The following GABRR2 variants were observed in gnomAD, a reference collection of about 807,000 sequenced individuals.
GABRR2 encodes the protein gamma-aminobutyric acid receptor subunit rho-2.
GABRR2 carries 36 observed loss-of-function variants against 47.0 expected under a neutral mutation model. The ratio of observed to expected loss-of-function variants is 0.77; its 90% CI spans 0.59 to 1.01. GABRR2 has a LOEUF of 1.01. Ranked by LOEUF, GABRR2 falls within the 50% of genes least tolerant of loss-of-function variation. The pLI, the probability that GABRR2 is intolerant of heterozygous loss-of-function variation, is 0.00. For synonymous variants in GABRR2, 204 were observed against 227.5 expected, an observed-to-expected ratio of 0.90 and a Z score of 0.93; for missense variants, 587 against 594.6, an observed-to-expected ratio of 0.99 and a Z score of 0.13.
intron 2 of GABRR2, among the ~76,000 whole-genome samples, chr6:89,285,435 C>T (rs188781623): frequency 6.6e-5 from 10 of 152,124 alleles, no homozygotes; most frequent in Non-Finnish European, 1.3e-4. Context: ...TGGTGAGGGC[C>T]GGCTCCTAAA....
intron 2 of GABRR2, among the ~76,000 whole-genome samples, chr6:89,285,784 C>T (rs1253607657): frequency 6.6e-6 from 1 of 152,192 alleles, no homozygotes; most frequent in African/African-American, 2.4e-5. Context: ...ACCATCCCAT[C>T]TGGACCAGCT....
chr6:89,259,895 T>G (rs1219390147), intron 8 of GABRR2, among the ~76,000 whole-genome samples: 2 of 148,662 alleles, frequency 1.3e-5, no homozygotes, highest in East Asian at 1.9e-4. Context: ...TTTTTTTTTT[T>G]TTTGTTTTTT....
intron 2 of GABRR2, among the ~76,000 whole-genome samples, chr6:89,278,590 T>G (rs76299352): frequency 6.6e-6 from 1 of 152,204 alleles, no homozygotes; most frequent in Non-Finnish European, 1.5e-5. Context: ...AACTCTACCT[T>G]TCTTCTAGGG....
At chr6:89,302,948 A>C in intron 1 of GABRR2, 1 of 1,219,160 alleles carries the variant, frequency 8.2e-7, no homozygotes, top group Non-Finnish European at 1.1e-6. Flanking sequence ...GCCTTCCTAC[A>C]CTGGTACATG....
rs1562379423 is a variant in GABRR2 at position 89,292,745 on chromosome 6, C to CA, written c.220+7013_220+7014insT. Among the ~76,000 whole-genome samples the CA allele has an allele frequency of 8.0e-4, 77 of 96,510 alleles. 21 individuals are homozygous for CA. In the East Asian group the frequency reaches 9.3e-3, roughly 12 times the overall value. 63.3% of individuals were successfully genotyped at this position (96,510 alleles called of 152,430 possible). On this transcript the variant is annotated intron_variant, in intron 2 of 8. Coordinates refer to ENST00000402938, the MANE Select transcript of GABRR2 (RefSeq NM_002043.5). ...ATATATCGTATATATCATATATAAT[C>CA]GTATATATCGTATATACGATATATC...
intron 2 of GABRR2, among the ~76,000 whole-genome samples, chr6:89,299,265 A>G (rs1483497013): frequency 6.6e-6 from 1 of 152,174 alleles, no homozygotes. Context: ...CTCCATCAAA[A>G]CAGCAAACTC....
chr6:89,267,148 T>C lies in GABRR2; in HGVS notation c.736+531A>G, dbSNP rs1562354779. 2.0e-5 allele frequency among the ~76,000 whole-genome samples: 3 copies of C among 152,210 alleles called. No homozygotes were observed. In the East Asian group the frequency reaches 5.8e-4, roughly 29 times the overall value. On this transcript the variant is annotated intron_variant, in intron 6 of 8. Transcript: ENST00000402938. ...CCGAGTAGCTGGGATTACAGGTGCA[T>C]ACCACCATGCTTGGCTAATTTTTAT... is the stretch of plus-strand genomic sequence containing the variant.
intron 1 of GABRR2, among the ~76,000 whole-genome samples, chr6:89,309,976 G>C (rs897666361): frequency 3.4e-5 from 5 of 148,806 alleles, no homozygotes; most frequent in Non-Finnish European, 7.4e-5. Context: ...TAGAGACAGG[G>C]TCTCACTATG....
intron 1 of GABRR2, chr6:89,301,881 C>T (rs1056836602): frequency 8.7e-6 from 10 of 1,146,358 alleles, no homozygotes; most frequent in Non-Finnish European, 1.2e-5. Context: ...TAGACCCCAG[C>T]GGCAACTACG....
chr6:89,292,896 C>CTA (rs769739709), intron 2 of GABRR2, among the ~76,000 whole-genome samples: 42 of 142,462 alleles, frequency 2.9e-4, no homozygotes, highest in South Asian at 1.3e-3. Flanking sequence ...GAGAAATGAG[C>CTA]TATATATATA....
chr6:89,280,695 A>G (rs1167286007), intron 2 of GABRR2, among the ~76,000 whole-genome samples: 1 of 152,244 alleles, frequency 6.6e-6, no homozygotes, highest in African/African-American at 2.4e-5. Context: ...AACCTGTGCC[A>G]TGGAATAAAA....
intron 2 of GABRR2, among the ~76,000 whole-genome samples, chr6:89,292,763 G>GATATATCGT (rs1554198089): frequency 5.4e-5 from 2 of 37,298 alleles, no homozygotes; most frequent in Non-Finnish European, 9.1e-5. Context: ...TCGTATATAC[G>GATATATCGT]ATATATCGTA....
intron 1 of GABRR2, chr6:89,302,391 G>A (rs1443622062): frequency 4.4e-5 from 25 of 567,060 alleles, no homozygotes; most frequent in Admixed American, 1.5e-4. Context: ...ACAAGGAGGC[G>A]CTCTAGGACA....
intron 2 of GABRR2, among the ~76,000 whole-genome samples, chr6:89,299,520 C>T (rs1774612209): frequency 6.6e-6 from 1 of 152,166 alleles, no homozygotes; most frequent in African/African-American, 2.4e-5. Flanking sequence ...GGGCCTGTCT[C>T]CTTTGTGAAT....
chr6:89,285,617 G>A (rs1188068870), intron 2 of GABRR2, among the ~76,000 whole-genome samples: 1 of 152,150 alleles, frequency 6.6e-6, no homozygotes, highest in Non-Finnish European at 1.5e-5. Context: ...CTGTAGGGAT[G>A]TGTTCAGGGG....
At chr6:89,296,418 T>C (rs1774554812) in intron 2 of GABRR2, among the ~76,000 whole-genome samples, 1 of 152,204 alleles carries the variant, frequency 6.6e-6, no homozygotes, top group African/African-American at 2.4e-5. Context: ...AAGTGACATC[T>C]GGGCATCCAG....
At chr6:89,280,211 A>AATATATATATATATATATATATATATAT (rs35295435) in intron 2 of GABRR2, among the ~76,000 whole-genome samples, 5 of 110,394 alleles carry the variant, frequency 4.5e-5, no homozygotes, top group Admixed American at 9.6e-5. Context: ...TCTAAAAACA[A>AATATATATATATATATATATATATATAT]ATATATATAT....
chr6:89,312,741 G>C (rs1438947382), intron 1 of GABRR2, among the ~76,000 whole-genome samples: 3 of 152,356 alleles, frequency 2.0e-5, no homozygotes, highest in Admixed American at 1.3e-4. Context: ...TTGACTGTCT[G>C]ACTGTGTGTG....
In GABRR2 at chr6:89,271,333, C is replaced by T. The variant is rs1774044964; in HGVS notation, c.288+322G>A. Among the ~76,000 whole-genome samples, 3 of 152,272 alleles carry T rather than the reference C, an allele frequency of 2.0e-5. No individual in the cohort carries two copies. The East Asian group carries it at 5.8e-4, about 29-fold the overall frequency. On this transcript the variant is annotated intron_variant, in intron 3 of 8. Transcript: ENST00000402938. ...AAAATTTCAGCCTGAAACTGTCCAC[C>T]TCCAGTACCCCACCAGGTGTGGTTC...
Sources: gnomAD v4.1 joint callset for allele counts (sites outside exome capture counted in the v4.1 genomes callset) on GRCh38, gnomAD v4.1.1 for gene constraint, MANE v1.5 for transcripts, NCBI Gene and HGNC (gene_info 2026-07-23, HGNC 2026-07-21) for gene names.